HIVEP1: variants seen among roughly 807,000 people sequenced by gnomAD.
The protein encoded by HIVEP1 is zinc finger protein 40.
Under a neutral mutation model 180.0 loss-of-function variants are expected in HIVEP1, and 36 were observed. That is an observed-to-expected ratio of 0.20 (90% confidence interval 0.15 to 0.26). HIVEP1 has a LOEUF of 0.26. HIVEP1 is among the 10% of genes least tolerant of loss of function. The pLI, the probability that HIVEP1 is intolerant of heterozygous loss-of-function variation, is 1.00. For synonymous variants in HIVEP1, 1,239 were observed against 1,239.0 expected (o/e 1.00, Z 0.00); for missense variants, 3,143 against 3,268.7 (o/e 0.96, Z 0.94).
chr6:12,155,464 G>A lies in HIVEP1; in HGVS notation c.6488-5975G>A, dbSNP rs538504581. Among the ~76,000 whole-genome samples, 4 of 145,108 alleles carry A rather than the reference G, an allele frequency of 2.8e-5. No homozygotes were observed. In the South Asian group the frequency reaches 8.4e-4, roughly 31 times the overall value. ...GTATTGTTCCCCCCAATGTGTCCTC[G>A]TGTTTTCGTCATTCAGCTCCCACTT... On this transcript the variant is annotated intron_variant, in intron 7 of 8. Coordinates refer to ENST00000379388, the MANE Select transcript of HIVEP1 (RefSeq NM_002114.4).
At chr6:12,182,731 A>G in the HIVEP1 span, among the ~76,000 whole-genome samples, 1 of 152,324 alleles carries the variant, frequency 6.6e-6, no homozygotes, top group East Asian at 1.9e-4. Flanking sequence ...AGTGCGTGCC[A>G]TGCCTGCATC....
chr6:12,165,183 T>A, downstream of HIVEP1: 1 of 488,520 alleles, frequency 2.0e-6, no homozygotes, highest in South Asian at 1.5e-5. Flanking sequence ...GATTGACCTA[T>A]TTTTCTTATT....
chr6:12,179,830 TTTTG>T, the HIVEP1 span, among the ~76,000 whole-genome samples: 84 of 152,260 alleles, frequency 5.5e-4, no homozygotes, highest in African/African-American at 1.9e-3. Context: ...ATAAATAATG[TTTTG>T]TTTATTTATT....
chr6:12,053,882 T>G (rs4714150), intron 2 of HIVEP1, among the ~76,000 whole-genome samples: 123,048 of 152,216 alleles, frequency 0.81, 49,979 homozygotes, highest in Middle Eastern at 0.93. Context: ...AACGTATCTT[T>G]TACTTAAGGT....
At chr6:12,193,894 C>T in the HIVEP1 span, among the ~76,000 whole-genome samples, 5 of 152,130 alleles carry the variant, frequency 3.3e-5, no homozygotes, top group African/African-American at 9.7e-5. Context: ...AATTCTTTTT[C>T]ATAGTTTTTA....
In HIVEP1 at chr6:12,095,754, A is replaced by G. The variant is rs184560527; in HGVS notation, c.94+6517A>G. Among the ~76,000 whole-genome samples, 7 of 152,072 alleles carry G rather than the reference A, an allele frequency of 4.6e-5. No homozygotes were observed. The East Asian group carries it at 1.4e-3, about 29-fold the overall frequency. ...AAAAGCTGAAGTTGAATAATGTTAA[A>G]TAACTTAACCCAAGGGAGTGCAACC... On this transcript the variant is annotated intron_variant, in intron 3 of 8. Coordinates refer to ENST00000379388, the MANE Select transcript of HIVEP1 (RefSeq NM_002114.4).
rs1775520143 is a variant in HIVEP1 at position 12,120,745 on chromosome 6, A to G, written c.950A>G (p.Gln317Arg). 5 of 1,614,128 alleles carry G rather than the reference A, an allele frequency of 3.1e-6. No individual in the cohort carries two copies. The highest frequency in any genetic ancestry group is 2.5e-6 in the Non-Finnish European group (3 of 1,180,046). ...FTGSLTNLQN[Q>R]ENAKLEQVYN... ...GGATCACTGACAAATCTGCAAAATC[A>G]AGAGAATGCCAAACTTGAACAGGTT... Residue 317 changes from glutamine (Q) to arginine (R), a missense_variant, in exon 4 of 9, where the codon CAA becomes CGA. Gln to Arg is a conservative substitution (Grantham distance 43). Coordinates refer to ENST00000379388, the MANE Select transcript of HIVEP1 (RefSeq NM_002114.4).
chr6:12,053,805 C>A (rs1430957449), intron 2 of HIVEP1, among the ~76,000 whole-genome samples: 1 of 152,226 alleles, frequency 6.6e-6, no homozygotes, highest in East Asian at 1.9e-4. Flanking sequence ...GATAAATCTG[C>A]CAAGCTCTGT....
At position 12,063,752 on chromosome 6, in the gene HIVEP1, G is replaced by C. The variant is rs2113760470; in HGVS notation, c.41-25432G>C. Among the ~76,000 whole-genome samples, 1 of 152,210 alleles carries C rather than the reference G, an allele frequency of 6.6e-6. No individual in the cohort carries two copies. The highest frequency in any genetic ancestry group is 6.5e-5 in the Admixed American group (1 of 15,290). ...TGAAGGTTTTGAGAGGTGGTCACTG[G>C]GCAGTCTGCAAGACTGACTCTCCAA... On this transcript the variant is annotated intron_variant, in intron 2 of 8. Coordinates refer to ENST00000379388, the MANE Select transcript of HIVEP1 (RefSeq NM_002114.4). The surrounding 1 kb of genome is among the most constrained non-coding windows in gnomAD (Gnocchi z 4.2).
intron 2 of HIVEP1, among the ~76,000 whole-genome samples, chr6:12,043,337 C>G (rs993118291): frequency 6.6e-6 from 1 of 151,386 alleles, no homozygotes; most frequent in African/African-American, 2.4e-5. Flanking sequence ...TTCTCCTATT[C>G]CCACTTTCTA....
chr6:12,091,096 G>A (rs760066672), intron 3 of HIVEP1, among the ~76,000 whole-genome samples: 10 of 152,056 alleles, frequency 6.6e-5, no homozygotes, highest in Non-Finnish European at 1.0e-4. Flanking sequence ...ATATAAGTAA[G>A]AAATAATATC....
intron 7 of HIVEP1, among the ~76,000 whole-genome samples, chr6:12,137,900 G>A (rs1758793342): frequency 6.6e-6 from 1 of 152,164 alleles, no homozygotes; most frequent in Admixed American, 6.5e-5. Flanking sequence ...TTTGTTGTGT[G>A]TACTCATGTA....
intron 3 of HIVEP1, among the ~76,000 whole-genome samples, chr6:12,112,849 G>A (rs1303911676): frequency 6.6e-6 from 1 of 152,120 alleles, no homozygotes; most frequent in Non-Finnish European, 1.5e-5. Flanking sequence ...TTTTATTGGT[G>A]TGGGATTTTG....
At chr6:12,107,908 C>G (rs771920297) in intron 3 of HIVEP1, among the ~76,000 whole-genome samples, 3 of 152,090 alleles carry the variant, frequency 2.0e-5, no homozygotes, top group Non-Finnish European at 2.9e-5. Context: ...GAGCTAGACA[C>G]AAAGGTTCTC....
the HIVEP1 span, among the ~76,000 whole-genome samples, chr6:12,175,376 G>A: frequency 1.3e-5 from 2 of 152,164 alleles, no homozygotes; most frequent in Non-Finnish European, 2.9e-5. Flanking sequence ...GTGCCAACAT[G>A]AGAGGGCCTT....
chr6:12,170,431 C>G, the HIVEP1 span, among the ~76,000 whole-genome samples: 1 of 152,244 alleles, frequency 6.6e-6, no homozygotes, highest in African/African-American at 2.4e-5. Context: ...ATCCCTACGG[C>G]GTGCCATCTA....
upstream of HIVEP1, among the ~76,000 whole-genome samples, chr6:12,010,648 C>T (rs1392504887): frequency 6.6e-6 from 1 of 151,196 alleles, no homozygotes; most frequent in Non-Finnish European, 1.5e-5. Context: ...CCTTATTCCT[C>T]TCAAGTTTGA....
chr6:12,182,797 A>G, the HIVEP1 span, among the ~76,000 whole-genome samples: 1 of 152,146 alleles, frequency 6.6e-6, no homozygotes, highest in South Asian at 2.1e-4. Context: ...GCCTAATAAT[A>G]TATAAACAGT....
rs1424387529 is a variant in HIVEP1, at chr6:12,125,358, T to C, written c.5563T>C (p.Leu1855=). ...KFVVIEPISE[L]QEFENIKSST... ...TGTCGTTATAGAACCTATAAGTGAA[T>C]TGCAGGAATTTGAAAACATCAAGTC... is the stretch of plus-strand genomic sequence containing the variant. The change falls in exon 4 of 9, where the codon TTG becomes CTG. Residue 1855 remains leucine (L), a synonymous_variant. Coordinates refer to ENST00000379388, the MANE Select transcript of HIVEP1 (RefSeq NM_002114.4). 1 of 1,614,170 alleles carries C rather than the reference T, an allele frequency of 6.2e-7. No individual in the cohort carries two copies. The highest frequency in any genetic ancestry group is 1.1e-5 in the South Asian group (1 of 91,084).
Sources: gnomAD v4.1 joint callset for allele counts (sites outside exome capture counted in the v4.1 genomes callset) on GRCh38, gnomAD v4.1.1 for gene constraint, Gnocchi (gnomAD v3.1) non-coding constraint, MANE v1.5 for transcripts, NCBI Gene and HGNC (gene_info 2026-07-23, HGNC 2026-07-21) for gene names.